The following JMY variants were observed in gnomAD, a reference collection of about 807,000 sequenced individuals.
JMY encodes junction mediating and regulatory protein, p53 cofactor.
In JMY, 46 loss-of-function variants were observed where a neutral mutation model predicts 103.3. The ratio of observed to expected loss-of-function variants is 0.45; its 90% CI spans 0.35 to 0.57. The LOEUF is 0.57. Among genes scored for constraint, JMY ranks in the 20% least tolerant of loss-of-function variants. The pLI is 0.00. For missense variants in JMY, 1,238 were observed against 1,255.2 expected, an observed-to-expected ratio of 0.99 and a Z score of 0.21; for synonymous variants, 526 against 489.3, an observed-to-expected ratio of 1.07 and a Z score of -0.99.
At chr5:79,308,565 A>G (rs913433026) in intron 7 of JMY, among the ~76,000 whole-genome samples, 38 of 152,154 alleles carry the variant, frequency 2.5e-4, no homozygotes, top group African/African-American at 9.2e-4. Flanking sequence ...TTGTTCATCT[A>G]GGTCTTTTGC....
In JMY at chr5:79,247,648, G is replaced by GTTTA. The variant is rs577008559; in HGVS notation, c.1032+9982_1032+9985dup. On this transcript the variant is annotated intron_variant, in intron 1 of 10. Transcript: ENST00000396137. ...ATCACTTCTATTTCCTTTTTATTTTGTTTATTTATTTATTTATTTTTTGAG... is the reference window on the plus strand; with the variant it reads ...ATCACTTCTATTTCCTTTTTATTTTGTTTATTTATTTATTTATTTATTTTTTGAG... 5.3e-5 allele frequency among the ~76,000 whole-genome samples: 8 copies of GTTTA among 150,808 alleles called. No homozygotes were observed. In the Middle Eastern group the frequency reaches 0.014, roughly 258 times the overall value.
At chr5:79,256,475 T>C (rs1745246018) in intron 1 of JMY, among the ~76,000 whole-genome samples, 1 of 152,090 alleles carries the variant, frequency 6.6e-6, no homozygotes, top group Admixed American at 6.6e-5. Flanking sequence ...CAAGCAGAAG[T>C]AGTCTCGCCC....
At chr5:79,258,297 C>CTTTTT (rs1225930409) in intron 1 of JMY, among the ~76,000 whole-genome samples, 2 of 139,438 alleles carry the variant, frequency 1.4e-5, no homozygotes, top group African/African-American at 5.3e-5. Flanking sequence ...GATATTAGGG[C>CTTTTT]TTTTTTTGTT....
At chr5:79,242,225 G>A (rs1277216882) in intron 1 of JMY, among the ~76,000 whole-genome samples, 1 of 152,206 alleles carries the variant, frequency 6.6e-6, no homozygotes, top group Non-Finnish European at 1.5e-5. Flanking sequence ...TGTTGAGTGA[G>A]TGGAGTCAGA....
intron 1 of JMY, among the ~76,000 whole-genome samples, chr5:79,252,576 G>A (rs1001155018): frequency 1.3e-5 from 2 of 152,002 alleles, no homozygotes; most frequent in East Asian, 1.9e-4. Flanking sequence ...AAGTCTCCAG[G>A]TATTACTGTA....
intron 1 of JMY, among the ~76,000 whole-genome samples, chr5:79,262,756 T>C (rs1230320412): frequency 6.6e-6 from 1 of 152,240 alleles, no homozygotes; most frequent in African/African-American, 2.4e-5. Flanking sequence ...GTATTAAGTT[T>C]AGGTGCTGCA....
At chr5:79,286,372 G>A (rs1407882561) in intron 2 of JMY, among the ~76,000 whole-genome samples, 3 of 152,146 alleles carry the variant, frequency 2.0e-5, no homozygotes, top group Non-Finnish European at 4.4e-5. Flanking sequence ...TGGGCGCAGT[G>A]GCTCACACCT....
chr5:79,261,296 C>G (rs1197695489), intron 1 of JMY, among the ~76,000 whole-genome samples: 1 of 152,116 alleles, frequency 6.6e-6, no homozygotes, highest in Non-Finnish European at 1.5e-5. Context: ...CAGTCACCCC[C>G]CTGCCCACCA....
intron 1 of JMY, among the ~76,000 whole-genome samples, chr5:79,252,667 T>C (rs1023888487): frequency 6.6e-6 from 1 of 152,208 alleles, no homozygotes; most frequent in Non-Finnish European, 1.5e-5. Flanking sequence ...ATATTTAAAA[T>C]TGCTATACCC....
chr5:79,284,374 T>G (rs1055349951), intron 2 of JMY: 2 of 1,306,948 alleles, frequency 1.5e-6, no homozygotes, highest in Non-Finnish European at 2.2e-6. Context: ...TATTGACCAC[T>G]TCTTTCAAGG....
chr5:79,250,472 C>A (rs556213205), intron 1 of JMY, among the ~76,000 whole-genome samples: 42 of 152,060 alleles, frequency 2.8e-4, no homozygotes, highest in African/African-American at 9.9e-4. Context: ...TGTTTGTAGG[C>A]GTCCCAGACA....
chr5:79,300,623 C>A, intron 5 of JMY, 53 bp from the exon 6 acceptor site: 1 of 1,426,178 alleles, frequency 7.0e-7, no homozygotes, highest in Non-Finnish European at 9.5e-7. Context: ...TTGTTCTTTC[C>A]AAACCCTAGC....
chr5:79,254,315 C>T (rs574200379), intron 1 of JMY, among the ~76,000 whole-genome samples: 32 of 152,032 alleles, frequency 2.1e-4, no homozygotes, highest in African/African-American at 7.7e-4. Flanking sequence ...TGAAGTACTC[C>T]CTTTAGCATT....
chr5:79,256,988 C>T (rs1039037649), intron 1 of JMY, among the ~76,000 whole-genome samples: 1 of 150,634 alleles, frequency 6.6e-6, no homozygotes, highest in Non-Finnish European at 1.5e-5. Context: ...ATTTTTGCTC[C>T]ATTATGTACA....
chr5:79,255,786 A>T (rs967431478), intron 1 of JMY, among the ~76,000 whole-genome samples: 1 of 152,210 alleles, frequency 6.6e-6, no homozygotes, highest in East Asian at 1.9e-4. Context: ...TTAACAACAG[A>T]GTTTCTCTCT....
At chr5:79,281,625 C>G (rs1746118030) in intron 2 of JMY, among the ~76,000 whole-genome samples, 1 of 151,994 alleles carries the variant, frequency 6.6e-6, no homozygotes, top group African/African-American at 2.4e-5. Context: ...ATGGGTAAAT[C>G]TTAAAATCAT....
At position 79,322,961 on chromosome 5, in the gene JMY, T is replaced by C. The variant is rs1482827494; in HGVS notation, c.*1359T>C. 1 of 152,210 alleles carries C rather than the reference T, an allele frequency of 6.6e-6. No individual in the cohort carries two copies. Among genetic ancestry groups the C allele is most frequent in the Non-Finnish European group, 1.5e-5 (1 of 68,038 alleles). 9.4% of individuals were successfully genotyped at this position (152,210 alleles called of 1,614,324 possible). On this transcript the variant is annotated 3_prime_UTR_variant, in exon 11 of 11. Transcript: ENST00000396137. Reference sequence around the variant, plus strand: ...AAAGCCCAGTGTATATGAATTGGTATTCCTAGAGAAAAAAAGAAATGCTCA... The same window carrying C: ...AAAGCCCAGTGTATATGAATTGGTACTCCTAGAGAAAAAAAGAAATGCTCA...
At chr5:79,292,603 TGCC>T (rs1247997064) in intron 4 of JMY, among the ~76,000 whole-genome samples, 1 of 152,186 alleles carries the variant, frequency 6.6e-6, no homozygotes, top group African/African-American at 2.4e-5. Context: ...TTAAGGTCCA[TGCC>T]CAGCCCGTCT....
At position 79,290,684 on chromosome 5, in the gene JMY, C is replaced by G. The variant is rs537509893; in HGVS notation, c.1357+413C>G. ...AAGACATTAGAATCTAAGATACTCT[C>G]AAATTATGTTTTAGAAATGTCGGCC... On this transcript the variant is annotated intron_variant, in intron 3 of 10. Transcript: ENST00000396137. Among the ~76,000 whole-genome samples, 8 of 152,258 alleles carry G rather than the reference C, an allele frequency of 5.3e-5. No individual in the cohort carries two copies. In the South Asian group the frequency reaches 1.7e-3, roughly 32 times the overall value.
Sources: allele counts gnomAD v4.1 joint callset (sites outside exome capture counted in the v4.1 genomes callset), GRCh38; gene constraint gnomAD v4.1.1; transcripts MANE v1.5; gene names NCBI Gene and HGNC (gene_info 2026-07-23, HGNC 2026-07-21).